The following RNF130 variants were observed in gnomAD, a reference collection of about 807,000 sequenced individuals.
RNF130 encodes E3 ubiquitin-protein ligase RNF130.
Under a neutral mutation model 44.6 loss-of-function variants are expected in RNF130, and 21 were observed. That is an observed-to-expected ratio of 0.47 (90% CI 0.33 to 0.68). The LOEUF (loss-of-function observed/expected upper bound fraction) is 0.68, where lower values mean the gene tolerates loss of function less well. Ranked by LOEUF, RNF130 falls within the 30% of genes least tolerant of loss-of-function variation. The pLI, the probability that RNF130 is intolerant of heterozygous loss-of-function variation, is 0.02. For synonymous variants in RNF130, 214 were observed against 210.4 expected, an observed-to-expected ratio of 1.02 and a Z score of -0.15; for missense variants, 479 against 560.6, an observed-to-expected ratio of 0.85 and a Z score of 1.47.
chr5:179,970,404 A>G lies in RNF130; in HGVS notation c.945+6T>C. On this transcript the variant is annotated splice_donor_region_variant and intron_variant, in intron 6 of 8. Coordinates refer to ENST00000521389, the MANE Select transcript of RNF130 (RefSeq NM_018434.6). ...AAAGTGGTAACAAATAAAATAGGAA[A>G]CGTACCACAATTCCCAGGGCCTTCA... is the stretch of plus-strand genomic sequence containing the variant. The G allele has an allele frequency of 6.3e-7, 1 of 1,599,124 alleles. No homozygotes were observed. The highest frequency in any genetic ancestry group is 8.5e-7 in the Non-Finnish European group (1 of 1,169,730).
intron 2 of RNF130, among the ~76,000 whole-genome samples, chr5:180,016,950 T>G (rs1054729427): frequency 1.3e-5 from 2 of 152,234 alleles, no homozygotes; most frequent in African/African-American, 4.8e-5. Flanking sequence ...CTCAAGAAAT[T>G]TAACCCTGTG....
chr5:180,045,695 C>T (rs1764548559), intron 1 of RNF130, among the ~76,000 whole-genome samples: 1 of 152,164 alleles, frequency 6.6e-6, no homozygotes, highest in Non-Finnish European at 1.5e-5. Flanking sequence ...CTGATTGGTG[C>T]ATTTACAAAC....
At chr5:179,946,714 C>A (rs572976434) in intron 7 of RNF130, among the ~76,000 whole-genome samples, 30 of 152,076 alleles carry the variant, frequency 2.0e-4, no homozygotes, top group African/African-American at 7.2e-4. Context: ...CCACCACGCC[C>A]GGCTAATTTT....
intron 2 of RNF130, among the ~76,000 whole-genome samples, chr5:180,028,175 G>A (rs1466050222): frequency 2.6e-5 from 4 of 152,152 alleles, no homozygotes; most frequent in South Asian, 2.1e-4. Context: ...CCTCAACTCC[G>A]ACTCGGATGC....
intron 3 of RNF130, among the ~76,000 whole-genome samples, chr5:180,012,095 A>C (rs565978473): frequency 4.6e-5 from 7 of 152,116 alleles, no homozygotes; most frequent in Non-Finnish European, 1.0e-4. Flanking sequence ...GATGAGAAAG[A>C]AGCTGAGATG....
intron 3 of RNF130, among the ~76,000 whole-genome samples, chr5:180,003,627 A>G (rs1304953924): frequency 1.3e-5 from 2 of 152,252 alleles, no homozygotes; most frequent in African/African-American, 2.4e-5. Flanking sequence ...TGTGACAGGT[A>G]TAAGTGTCTA....
At chr5:179,925,383 C>T (rs1484295553) in intron 7 of RNF130, among the ~76,000 whole-genome samples, 4 of 152,272 alleles carry the variant, frequency 2.6e-5, no homozygotes, top group East Asian at 1.9e-4. Context: ...GTAGAGGTAC[C>T]GGTAGGGGAG....
intron 7 of RNF130, among the ~76,000 whole-genome samples, chr5:179,942,739 C>T (rs1189465607): frequency 6.6e-6 from 1 of 152,200 alleles, no homozygotes; most frequent in African/African-American, 2.4e-5. Flanking sequence ...CTTTCTGAGA[C>T]TTCTGGACTT....
chr5:180,010,863 C>A (rs1419283253), intron 3 of RNF130, among the ~76,000 whole-genome samples: 1 of 152,064 alleles, frequency 6.6e-6, no homozygotes, highest in Non-Finnish European at 1.5e-5. Flanking sequence ...ACTACACAGA[C>A]TAAAGACAGA....
chr5:180,060,268 G>A (rs1012825392), intron 1 of RNF130, among the ~76,000 whole-genome samples: 3 of 152,196 alleles, frequency 2.0e-5, no homozygotes, highest in Admixed American at 6.5e-5. Context: ...AGTTTTTGGT[G>A]ATTTGTTACT....
At chr5:180,041,543 C>T (rs148996648) in intron 1 of RNF130, among the ~76,000 whole-genome samples, 15 of 152,306 alleles carry the variant, frequency 9.8e-5, no homozygotes, top group East Asian at 9.6e-4. Context: ...AAGAAGCCCC[C>T]GGCTGCTCTT....
chr5:180,063,426 T>C (rs928987667), intron 1 of RNF130, among the ~76,000 whole-genome samples: 1 of 152,140 alleles, frequency 6.6e-6, no homozygotes, highest in Non-Finnish European at 1.5e-5. Context: ...TGTCATTTAT[T>C]GAGATGGGAA....
intron 1 of RNF130, among the ~76,000 whole-genome samples, chr5:180,053,355 G>A (rs528871786): frequency 2.0e-5 from 3 of 152,272 alleles, no homozygotes; most frequent in South Asian, 4.1e-4. Flanking sequence ...AGAAAGCAAC[G>A]TATCATTTCA....
intron 1 of RNF130, among the ~76,000 whole-genome samples, chr5:180,055,816 G>A (rs971322980): frequency 3.3e-5 from 5 of 152,058 alleles, no homozygotes; most frequent in Non-Finnish European, 5.9e-5. Flanking sequence ...CTGGTGCGTG[G>A]CTCATGGCTG....
intron 7 of RNF130, among the ~76,000 whole-genome samples, chr5:179,948,444 C>T (rs56821111): frequency 8.6e-5 from 13 of 151,916 alleles, no homozygotes; most frequent in Admixed American, 2.0e-4. Context: ...CTGAGGCGAG[C>T]GGATCACCTG....
chr5:179,958,871 G>C (rs746018925), intron 8 of RNF130, among the ~76,000 whole-genome samples: 1 of 152,020 alleles, frequency 6.6e-6, no homozygotes, highest in Non-Finnish European at 1.5e-5. Context: ...AGTAGAGATG[G>C]GGCTTCACCG....
intron 3 of RNF130, among the ~76,000 whole-genome samples, chr5:179,981,833 C>T (rs990699970): frequency 6.6e-6 from 1 of 152,220 alleles, no homozygotes; most frequent in African/African-American, 2.4e-5. Flanking sequence ...GAAGCCTAAT[C>T]TATGAGTCCC....
chr5:179,962,816 G>A (rs1439566743), intron 8 of RNF130, among the ~76,000 whole-genome samples: 1 of 151,860 alleles, frequency 6.6e-6, no homozygotes, highest in Admixed American at 6.6e-5. Flanking sequence ...TCCTGAGCGT[G>A]CCCTACAGCA....
chr5:179,995,264 A>C (rs756172492), intron 3 of RNF130, among the ~76,000 whole-genome samples: 9 of 152,194 alleles, frequency 5.9e-5, no homozygotes, highest in Admixed American at 1.3e-4. Flanking sequence ...GGAATCAGAC[A>C]GACCATATAT....
Sources: gnomAD v4.1 joint callset for allele counts (sites outside exome capture counted in the v4.1 genomes callset) on GRCh38, gnomAD v4.1.1 for gene constraint, MANE v1.5 for transcripts, NCBI Gene and HGNC (gene_info 2026-07-23, HGNC 2026-07-21) for gene names.